PIGL: variants seen among roughly 807,000 people sequenced by gnomAD.
PIGL encodes phosphatidylinositol glycan anchor biosynthesis class L, also known as N-acetylglucosaminyl-phosphatidylinositol de-N-acetylase.
A neutral mutation model predicts 31.1 loss-of-function variants in PIGL; 22 were observed. The observed-to-expected ratio is 0.71, with a 90% CI of 0.51 to 1.01. PIGL has a LOEUF of 1.01. PIGL is among the 50% of genes least tolerant of loss of function. The probability of loss-of-function intolerance (pLI) is 0.00; values close to 1 mark genes in which losing one functional copy is unlikely to be tolerated. For missense variants in PIGL, 302 were observed against 315.9 expected (o/e 0.96, Z 0.33); for synonymous variants, 131 against 117.4 (o/e 1.12, Z -0.75).
At chr17:16,265,108 GTA>G (rs779263729) in intron 2 of PIGL, among the ~76,000 whole-genome samples, 6 of 152,080 alleles carry the variant, frequency 3.9e-5, no homozygotes, top group Non-Finnish European at 7.4e-5. Context: ...ATTTTTTTCT[GTA>G]TGAGAAGGGA....
intron 6 of PIGL, among the ~76,000 whole-genome samples, chr17:16,320,202 A>AGG (rs1454021305): frequency 3.2e-5 from 2 of 63,272 alleles, no homozygotes; most frequent in African/African-American, 1.3e-4. Context: ...GAGAGAAAGA[A>AGG]AAGGAAGGAA....
Position 16,326,013 on chromosome 17 carries a change from C to G in PIGL, c.*115C>G, listed in dbSNP as rs905421201. The G allele has an allele frequency of 2.8e-6, 2 of 726,024 alleles. No individual in the cohort carries two copies. The highest frequency in any genetic ancestry group is 3.5e-5 in the African/African-American group (2 of 57,060). The allele number at this position is 726,024 out of a possible 1,614,324, so 45.0% of individuals were successfully genotyped here. On this transcript the variant is annotated 3_prime_UTR_variant, in exon 7 of 7. Coordinates refer to ENST00000225609, the MANE Select transcript of PIGL (RefSeq NM_004278.4). Reference sequence around the variant, plus strand: ...GAGCTCAAGGAGATCCCCGCTGGAGCAGCCTCTGCAAAAGGGAGCCCATGT... The same window carrying G: ...GAGCTCAAGGAGATCCCCGCTGGAGGAGCCTCTGCAAAAGGGAGCCCATGT...
At chr17:16,297,654 A>G (rs1482867385) in intron 2 of PIGL, among the ~76,000 whole-genome samples, 1 of 152,156 alleles carries the variant, frequency 6.6e-6, no homozygotes, top group African/African-American at 2.4e-5. Context: ...ATTCAGCTCC[A>G]TTTCCAGGAA....
intron 2 of PIGL, among the ~76,000 whole-genome samples, chr17:16,246,348 C>T (rs983246251): frequency 6.6e-6 from 1 of 151,130 alleles, no homozygotes; most frequent in African/African-American, 2.4e-5. Context: ...CCCGTCTCTA[C>T]TAAAAATACA....
At chr17:16,259,328 T>C (rs759532353) in intron 2 of PIGL, among the ~76,000 whole-genome samples, 6 of 146,004 alleles carry the variant, frequency 4.1e-5, no homozygotes, top group African/African-American at 1.0e-4. Context: ...ATATAGTCAA[T>C]TGATTTTCAA....
intron 2 of PIGL, among the ~76,000 whole-genome samples, chr17:16,286,183 G>C (rs906310597): frequency 5.9e-5 from 9 of 152,272 alleles, no homozygotes; most frequent in Non-Finnish European, 1.3e-4. Context: ...AAATAAGGGC[G>C]TGTGAGCCGC....
intron 2 of PIGL, among the ~76,000 whole-genome samples, chr17:16,284,659 C>T (rs1163374875): frequency 2.0e-5 from 3 of 152,132 alleles, no homozygotes; most frequent in African/African-American, 4.8e-5. Context: ...CAGGAACTGA[C>T]TTAGCACACG....
rs543681583 is a variant in PIGL at position 16,299,915 on chromosome 17, G to A, written c.363G>A (p.Gln121=). Reference sequence around the variant, plus strand: ...ATTTCCCAGATGACCCAGGCATGCAGTGGGACACAGAGCACGTGGCCAGAG... The same window carrying A: ...ATTTCCCAGATGACCCAGGCATGCAATGGGACACAGAGCACGTGGCCAGAG... ...NRDFPDDPGM[Q]WDTEHVARVL... The change falls in exon 3 of 7, where the codon CAG becomes CAA. Residue 121 remains glutamine, a synonymous_variant. Coordinates refer to ENST00000225609, the MANE Select transcript of PIGL (RefSeq NM_004278.4). 3.5e-5 allele frequency: 57 copies of A among 1,613,918 alleles called. No individual in the cohort carries two copies. The highest frequency in any genetic ancestry group is 4.4e-5 in the Non-Finnish European group (52 of 1,179,766).
intron 6 of PIGL, 37 bp from the exon 7 acceptor site, chr17:16,325,763 C>A: frequency 6.8e-7 from 1 of 1,473,244 alleles, no homozygotes; most frequent in Non-Finnish European, 9.5e-7. Context: ...AACTCCAGTG[C>A]AACTGTTTCA....
chr17:16,294,694 C>T (rs1210837260), intron 2 of PIGL, among the ~76,000 whole-genome samples: 3 of 152,194 alleles, frequency 2.0e-5, no homozygotes, highest in Non-Finnish European at 4.4e-5. Flanking sequence ...TTCCAGGCTC[C>T]CATGTCCATT....
At position 16,291,352 on chromosome 17, in the gene PIGL, C is replaced by T. The variant is rs1008492570; in HGVS notation, c.336-8536C>T. Reference sequence around the variant, plus strand: ...TGAAACCCCATTTTCATTAAAAATACAAAAATTAGTCGAGCGTGGTGGCGG... The same window carrying T: ...TGAAACCCCATTTTCATTAAAAATATAAAAATTAGTCGAGCGTGGTGGCGG... On this transcript the variant is annotated intron_variant, in intron 2 of 6. Coordinates refer to ENST00000225609, the MANE Select transcript of PIGL (RefSeq NM_004278.4). 2.7e-5 allele frequency among the ~76,000 whole-genome samples: 4 copies of T among 148,112 alleles called. No homozygotes were observed. In the South Asian group the frequency reaches 8.6e-4, roughly 32 times the overall value.
chr17:16,272,829 C>T (rs933541315), intron 2 of PIGL, among the ~76,000 whole-genome samples: 7 of 152,106 alleles, frequency 4.6e-5, no homozygotes, highest in African/African-American at 1.7e-4. Context: ...CCACTTGGGT[C>T]GGTCACCTTC....
Position 16,234,278 on chromosome 17 carries a change from T to G in PIGL, c.335+208T>G. Reference sequence around the variant, plus strand: ...GAGTTTGAGACCAGCCTGGCCAACATGGTAAAACCGCATCTCTACTAAAAA... The same window carrying G: ...GAGTTTGAGACCAGCCTGGCCAACAGGGTAAAACCGCATCTCTACTAAAAA... On this transcript the variant is annotated intron_variant, in intron 2 of 6. Coordinates refer to ENST00000225609, the MANE Select transcript of PIGL (RefSeq NM_004278.4). The G allele has an allele frequency of 6.6e-6, 3 of 457,862 alleles. No individual in the cohort carries two copies. The South Asian group carries it at 1.2e-4, about 19-fold the overall frequency. 28.4% of individuals were successfully genotyped at this position (457,862 alleles called of 1,614,324 possible). A position where few individuals can be genotyped will look rare whatever the true frequency, so the allele number is the denominator to read the frequency against.
intron 1 of PIGL, among the ~76,000 whole-genome samples, chr17:16,230,102 C>A (rs1214252539): frequency 6.6e-6 from 1 of 152,092 alleles, no homozygotes; most frequent in African/African-American, 2.4e-5. Context: ...ACCTCGTGAT[C>A]CACCTGCCTC....
intron 2 of PIGL, among the ~76,000 whole-genome samples, chr17:16,252,592 A>G (rs1374005277): frequency 3.3e-5 from 5 of 149,566 alleles, no homozygotes; most frequent in Admixed American, 3.3e-4. Context: ...AATTATATGT[A>G]TATAATTTTT....
rs137909844 is a variant in PIGL at position 16,317,844 on chromosome 17, T to C, written c.596T>C (p.Leu199Ser). 5 of 1,614,022 alleles carry C rather than the reference T, an allele frequency of 3.1e-6. No individual in the cohort carries two copies. The highest frequency in any genetic ancestry group is 1.3e-5 in the African/African-American group (1 of 74,928). The change falls in exon 6 of 7, where the codon TTG becomes TCG. Residue 199 changes from leucine (L) to serine (S), a missense_variant. Coordinates refer to ENST00000225609, the MANE Select transcript of PIGL (RefSeq NM_004278.4). ...TACATCTCCCTTCTGGATCTGCCCT[T>C]GTCTCTGCTTCATACGCAGGATGTC... ...RKYISLLDLP[L>S]SLLHTQDVLF... is the part of the protein sequence containing the mutation.
At chr17:16,249,130 G>A (rs113315659) in intron 2 of PIGL, among the ~76,000 whole-genome samples, 5 of 152,182 alleles carry the variant, frequency 3.3e-5, no homozygotes, top group African/African-American at 1.2e-4. Flanking sequence ...GTCAACTGTG[G>A]TCTAAAAATA....
At chr17:16,314,722 C>T (rs115080191) in intron 4 of PIGL, among the ~76,000 whole-genome samples, 1,667 of 152,220 alleles carry the variant, frequency 0.011, 40 homozygotes, top group African/African-American at 0.037. Context: ...TGCTCCTAGT[C>T]GCATTAGGTC....
rs376105753 is a variant in PIGL, at chr17:16,228,589, CGT to C, written c.236-5379_236-5378del. On this transcript the variant is annotated intron_variant, in intron 1 of 6. Transcript: ENST00000225609. The stretch of plus-strand genomic sequence containing the variant: ...ATTTTTAGTAGAGACGGGGTTTCAC[CGT>C]GTTAGCCAGGATGGTCTCGATCTCC... Among the ~76,000 whole-genome samples the C allele has an allele frequency of 9.5e-3, 1,443 of 151,204 alleles. 18 individuals are homozygous for C. The highest frequency in any genetic ancestry group is 0.033 in the African/African-American group (1,353 of 41,136).
Sources: allele counts gnomAD v4.1 joint callset (sites outside exome capture counted in the v4.1 genomes callset), GRCh38; gene constraint gnomAD v4.1.1; transcripts MANE v1.5; gene names NCBI Gene and HGNC (gene_info 2026-07-23, HGNC 2026-07-21).